The following CRISPLD1 variants were observed in gnomAD, a reference collection of about 807,000 sequenced individuals.
CRISPLD1 encodes cysteine-rich secretory protein LCCL domain-containing 1.
In CRISPLD1, 60 loss-of-function variants were observed where a neutral mutation model predicts 77.5. The observed-to-expected ratio is 0.77, with a 90% confidence interval of 0.63 to 0.96. The LOEUF (loss-of-function observed/expected upper bound fraction) is 0.96. Ranked by LOEUF, CRISPLD1 falls within the 40% of genes least tolerant of loss-of-function variation. The pLI is 0.00. For synonymous variants in CRISPLD1, 195 were observed against 200.1 expected (o/e 0.97, Z 0.22); for missense variants, 623 against 615.8 (o/e 1.01, Z -0.12).
At chr8:75,007,853 T>A (rs1386198206) in intron 2 of CRISPLD1, among the ~76,000 whole-genome samples, 1 of 151,852 alleles carries the variant, frequency 6.6e-6, no homozygotes, top group Non-Finnish European at 1.5e-5. Context: ...TTTCATTTTT[T>A]ACTTTTTGTA....
intron 10 of CRISPLD1, 79 bp downstream of exon 10, chr8:75,017,529 G>T: frequency 1.7e-6 from 2 of 1,171,360 alleles, no homozygotes. Context: ...TTAGAGCAAA[G>T]CATAGAATAA....
intron 2 of CRISPLD1, among the ~76,000 whole-genome samples, chr8:74,993,277 T>G (rs1812600783): frequency 6.6e-6 from 1 of 152,226 alleles, no homozygotes; most frequent in African/African-American, 2.4e-5. Context: ...GAGTTTTCTC[T>G]CTGTATACTG....
Position 74,986,025 on chromosome 8 carries a change from C to T in CRISPLD1, c.38C>T (p.Thr13Ile). The change falls in exon 2 of 15, where the codon ACA becomes ATA. Residue 13 changes from threonine to isoleucine, a missense_variant. Transcript: ENST00000262207. ...CTAREWLRVTTVLFMARAIPA... is the reference protein window; with the variant it reads ...CTAREWLRVTIVLFMARAIPA... ...GCGCGGGAGTGGCTCAGAGTAACCA[C>T]AGTGCTGTTCATGGCTAGAGCAATT... 6.2e-7 allele frequency: 1 copy of T among 1,614,146 alleles called. No homozygotes were observed. Among genetic ancestry groups the T allele is most frequent in the Non-Finnish European group, 8.5e-7 (1 of 1,180,024 alleles).
chr8:74,990,812 CT>C (rs1812561720), intron 2 of CRISPLD1, among the ~76,000 whole-genome samples: 1 of 150,552 alleles, frequency 6.6e-6, no homozygotes, highest in South Asian at 2.1e-4. Context: ...ACATCGTTAA[CT>C]TTTTACCATA....
chr8:75,018,136 A>G (rs970947486), intron 10 of CRISPLD1, among the ~76,000 whole-genome samples: 2 of 152,182 alleles, frequency 1.3e-5, no homozygotes, highest in African/African-American at 4.8e-5. Flanking sequence ...TTCTTAGGAA[A>G]TTTGACATTG....
intron 14 of CRISPLD1, among the ~76,000 whole-genome samples, chr8:75,030,583 A>G (rs535245535): frequency 5.3e-5 from 8 of 152,062 alleles, no homozygotes; most frequent in Non-Finnish European, 8.8e-5. Flanking sequence ...TTGAGTACCT[A>G]CTATGAATAT....
rs572555662 is a variant in CRISPLD1 at position 75,019,590 on chromosome 8, T to C, written c.1128-280T>C. Among the ~76,000 whole-genome samples the C allele has an allele frequency of 3.9e-5, 6 of 152,032 alleles. No individual in the cohort carries two copies. In the South Asian group the frequency reaches 6.2e-4, roughly 16 times the overall value. On this transcript the variant is annotated intron_variant, in intron 10 of 14. Coordinates refer to ENST00000262207, the MANE Select transcript of CRISPLD1 (RefSeq NM_031461.6). ...TTTTAATTTTGATAGGAACCAAATA[T>C]ATTTTTTATATATATATATAGTTCT... is the stretch of plus-strand genomic sequence containing the variant.
At chr8:75,011,142 T>C (rs1167244294) in intron 2 of CRISPLD1, among the ~76,000 whole-genome samples, 43 of 151,724 alleles carry the variant, frequency 2.8e-4, no homozygotes, top group Admixed American at 2.8e-3. Flanking sequence ...ATTATTATTA[T>C]ACTTTAAGTT....
In CRISPLD1 at chr8:75,017,028, C is replaced by T. The variant is rs2128786281; in HGVS notation, c.930-19C>T. ...ACATTCAGAGAAACTAAATTTTGTG[C>T]CCAATTACTTTTATTTAGGTACGAA... On this transcript the variant is annotated intron_variant, in intron 8 of 14. Coordinates refer to ENST00000262207, the MANE Select transcript of CRISPLD1 (RefSeq NM_031461.6). 1.2e-6 allele frequency: 2 copies of T among 1,603,916 alleles called. No homozygotes were observed. Among genetic ancestry groups the T allele is most frequent in the Non-Finnish European group, 1.7e-6 (2 of 1,174,294 alleles).
rs1476177463 is a variant in CRISPLD1 at position 75,012,609 on chromosome 8, TATTA to T, written c.377+62_377+65del. The T allele has an allele frequency of 1.0e-5, 12 of 1,153,588 alleles. No individual in the cohort carries two copies. In the African/African-American group the frequency reaches 1.1e-4, roughly 10 times the overall value. The allele number at this position is 1,153,588 out of a possible 1,614,324, so 71.5% of individuals were successfully genotyped here. On this transcript the variant is annotated intron_variant, in intron 3 of 14. Coordinates refer to ENST00000262207, the MANE Select transcript of CRISPLD1 (RefSeq NM_031461.6). ...AAATAAGTGTTTAAAATGAAGTCCT[TATTA>T]ATTCATCAGTACAATTTTTCAAAGA...
intron 10 of CRISPLD1, among the ~76,000 whole-genome samples, chr8:75,019,269 C>T (rs961287842): frequency 9.9e-5 from 15 of 152,030 alleles, no homozygotes; most frequent in African/African-American, 2.4e-4. Flanking sequence ...GTTAAAGTAC[C>T]ATCACAAATA....
At chr8:75,026,017 TAG>T (rs1312374963) in intron 13 of CRISPLD1, among the ~76,000 whole-genome samples, 2 of 152,172 alleles carry the variant, frequency 1.3e-5, no homozygotes, top group African/African-American at 2.4e-5. Context: ...AAATGTAGCA[TAG>T]AGTCATAGAG....
At chr8:75,029,331 TGGACAAGTCCAGCA>T in intron 13 of CRISPLD1, 42 bp from the exon 14 acceptor site, 1 of 1,565,910 alleles carries the variant, frequency 6.4e-7, no homozygotes, top group Non-Finnish European at 8.7e-7. Context: ...AAGAATAGGC[TGGACAAGTCCAGCA>T]GGAATTTCCA....
intron 2 of CRISPLD1, among the ~76,000 whole-genome samples, 181 bp downstream of exon 2, chr8:74,986,426 C>T (rs1219797329): frequency 1.3e-5 from 2 of 152,192 alleles, no homozygotes; most frequent in Non-Finnish European, 2.9e-5. Context: ...GAGCTCTTGA[C>T]ATTCAGAGTA....
chr8:74,985,115 T>C (rs1026304043), intron 1 of CRISPLD1, among the ~76,000 whole-genome samples, 195 bp downstream of exon 1: 20 of 152,134 alleles, frequency 1.3e-4, no homozygotes, highest in African/African-American at 4.8e-4. Context: ...GTAAGTGACT[T>C]TGTTGGTTTC....
At position 75,017,053 on chromosome 8, in the gene CRISPLD1, A is replaced by G; in HGVS notation, c.936A>G (p.Glu312=). 6.2e-7 allele frequency: 1 copy of G among 1,612,036 alleles called. No homozygotes were observed. The highest frequency in any genetic ancestry group is 8.5e-7 in the Non-Finnish European group (1 of 1,178,888). Residue 312 remains glutamate, a synonymous_variant, in exon 9 of 15, where the codon GAA becomes GAG. Transcript: ENST00000262207. ...CCCAATTACTTTTATTTAGGTACGA[A>G]TGTCCTGCTGGCTGTTTGGATAGTA... The part of the protein sequence containing the change: ...QCKGTTCNRY[E]CPAGCLDSKA...
At chr8:75,016,106 A>G (rs1813022774) in intron 6 of CRISPLD1, among the ~76,000 whole-genome samples, 1 of 152,176 alleles carries the variant, frequency 6.6e-6, no homozygotes, top group Non-Finnish European at 1.5e-5. Flanking sequence ...GGATTTTGTC[A>G]TAAATAATAA....
intron 2 of CRISPLD1, among the ~76,000 whole-genome samples, chr8:75,011,904 A>G (rs1812937905): frequency 1.3e-5 from 2 of 152,168 alleles, no homozygotes; most frequent in Non-Finnish European, 2.9e-5. Context: ...AAACAAAGGA[A>G]TGTAACAAAG....
intron 6 of CRISPLD1, among the ~76,000 whole-genome samples, chr8:75,015,575 G>T (rs1353897064): frequency 6.6e-6 from 1 of 152,104 alleles, no homozygotes; most frequent in Non-Finnish European, 1.5e-5. Flanking sequence ...TTACTGCCTT[G>T]TACTTTTTTC....
Sources: gnomAD v4.1 joint callset for allele counts (sites outside exome capture counted in the v4.1 genomes callset) on GRCh38, gnomAD v4.1.1 for gene constraint, MANE v1.5 for transcripts, NCBI Gene and HGNC (gene_info 2026-07-23, HGNC 2026-07-21) for gene names.